ZDHHC21: variants seen among roughly 807,000 people sequenced by gnomAD.
The protein encoded by ZDHHC21 is zDHHC palmitoyltransferase 21.
ZDHHC21 carries 15 observed loss-of-function variants against 34.6 expected under a neutral mutation model. The ratio of observed to expected loss-of-function variants is 0.43; its 90% CI spans 0.29 to 0.67. ZDHHC21 has a LOEUF of 0.67. ZDHHC21 is among the 30% of genes least tolerant of loss of function. The pLI is 0.14. For synonymous variants in ZDHHC21, 142 were observed against 101.8 expected (o/e 1.40, Z -2.38); for missense variants, 344 against 327.7 (o/e 1.05, Z -0.38).
intron 7 of ZDHHC21, among the ~76,000 whole-genome samples, chr9:14,649,593 T>C (rs772594779): frequency 4.6e-5 from 7 of 152,184 alleles, no homozygotes; most frequent in South Asian, 2.1e-4. Context: ...CTTTTCTCAG[T>C]CTTATTACAT....
chr9:14,680,315 C>T (rs1189127375), intron 2 of ZDHHC21, among the ~76,000 whole-genome samples, 153 bp from the exon 3 acceptor site: 2 of 152,012 alleles, frequency 1.3e-5, no homozygotes, highest in East Asian at 3.9e-4. Flanking sequence ...CTTTCATATC[C>T]CACCCATCCC....
intron 7 of ZDHHC21, among the ~76,000 whole-genome samples, chr9:14,644,393 A>T (rs143242737): frequency 6.6e-6 from 1 of 152,126 alleles, no homozygotes; most frequent in Non-Finnish European, 1.5e-5. Context: ...AATTTCTAGT[A>T]GTATATTTAA....
chr9:14,689,756 G>A (rs960232095), intron 2 of ZDHHC21, among the ~76,000 whole-genome samples: 1 of 152,038 alleles, frequency 6.6e-6, no homozygotes, highest in African/African-American at 2.4e-5. Context: ...AGATAACTGG[G>A]CCACTGTTTT....
chr9:14,651,922 C>T (rs1831303465), intron 7 of ZDHHC21, among the ~76,000 whole-genome samples: 1 of 151,904 alleles, frequency 6.6e-6, no homozygotes, highest in Non-Finnish European at 1.5e-5. Flanking sequence ...ACCCAATCTA[C>T]AGGTTTTAGA....
intron 7 of ZDHHC21, among the ~76,000 whole-genome samples, chr9:14,651,721 T>A (rs1414402524): frequency 6.6e-6 from 1 of 152,000 alleles, no homozygotes; most frequent in East Asian, 1.9e-4. Context: ...AAACCGTAAT[T>A]TTCTAGTTTT....
intron 8 of ZDHHC21, among the ~76,000 whole-genome samples, chr9:14,624,959 C>T (rs1302611272): frequency 2.0e-5 from 3 of 152,084 alleles, no homozygotes; most frequent in South Asian, 2.1e-4. Context: ...AAATTAAAAA[C>T]ACTACTCAGG....
rs538998222 is a variant in ZDHHC21, at chr9:14,659,185, A to T, written c.366-298T>A. Among the ~76,000 whole-genome samples, 46 of 152,242 alleles carry T rather than the reference A, an allele frequency of 3.0e-4. No individual in the cohort carries two copies. In the South Asian group the frequency reaches 9.5e-3, roughly 32 times the overall value. On this transcript the variant is annotated intron_variant, in intron 6 of 9. Coordinates refer to ENST00000380916, the MANE Select transcript of ZDHHC21 (RefSeq NM_178566.6). The stretch of plus-strand genomic sequence containing the variant: ...CTGTGTCACTGATATGGAAACAGGG[A>T]ACAAAGGAGCTAAGCCTCTGGCCAG...
intron 6 of ZDHHC21, among the ~76,000 whole-genome samples, chr9:14,660,817 GA>G (rs374549377): frequency 6.5e-4 from 97 of 149,558 alleles, no homozygotes; most frequent in African/African-American, 2.2e-3. Flanking sequence ...GCATTCGTTT[GA>G]AAAAAAAAGC....
intron 7 of ZDHHC21, among the ~76,000 whole-genome samples, chr9:14,646,748 C>A (rs558925310): frequency 5.9e-5 from 9 of 152,098 alleles, no homozygotes; most frequent in East Asian, 3.9e-4. Context: ...TTATCAGAGA[C>A]CTTTTCCTTG....
intron 8 of ZDHHC21, among the ~76,000 whole-genome samples, chr9:14,628,785 A>G (rs899224330): frequency 6.6e-6 from 1 of 152,214 alleles, no homozygotes; most frequent in Non-Finnish European, 1.5e-5. Flanking sequence ...TTTATAAAGT[A>G]AGCATCATCT....
chr9:14,635,687 T>C (rs1256302293), intron 8 of ZDHHC21, among the ~76,000 whole-genome samples: 1 of 152,188 alleles, frequency 6.6e-6, no homozygotes, highest in East Asian at 1.9e-4. Flanking sequence ...AAGAGAGTCC[T>C]ACACTTGGAA....
At chr9:14,633,190 G>A (rs1012008925) in intron 8 of ZDHHC21, among the ~76,000 whole-genome samples, 19 of 152,104 alleles carry the variant, frequency 1.2e-4, no homozygotes, top group South Asian at 2.1e-4. Context: ...ATAATCACAC[G>A]TAAAATATAT....
chr9:14,593,225 A>G, the ZDHHC21 span, among the ~76,000 whole-genome samples: 4 of 152,200 alleles, frequency 2.6e-5, no homozygotes, highest in African/African-American at 7.2e-5. Context: ...TAAACAGATT[A>G]ACAAAATTGA....
chr9:14,667,272 C>T (rs1436569042), intron 5 of ZDHHC21, among the ~76,000 whole-genome samples: 2 of 148,264 alleles, frequency 1.3e-5, no homozygotes, highest in African/African-American at 4.9e-5. Flanking sequence ...AATTCCTCGA[C>T]ACATACACTC....
chr9:14,677,609 C>CA (rs1307721804), intron 3 of ZDHHC21: 1 of 152,030 alleles, frequency 6.6e-6, no homozygotes, highest in African/African-American at 2.4e-5. Context: ...GCTCTTAACT[C>CA]AAAACTCTGA....
intron 6 of ZDHHC21, among the ~76,000 whole-genome samples, chr9:14,661,459 T>G (rs957331631): frequency 1.3e-5 from 2 of 152,228 alleles, no homozygotes; most frequent in Admixed American, 6.5e-5. Context: ...CAGATACATT[T>G]GTCAAATTCT....
rs1385757543 is a variant in ZDHHC21 at position 14,613,961 on chromosome 9, T to A, written c.*5005A>T. On this transcript the variant is annotated 3_prime_UTR_variant, in exon 10 of 10. Transcript: ENST00000380916. The stretch of plus-strand genomic sequence containing the variant: ...AAAACTAAAATATTTATAAAAGGCA[T>A]CTGACCAACTGAAGAGAAACCGCAA... The A allele has an allele frequency of 1.3e-5, 2 of 151,798 alleles. No individual in the cohort carries two copies. Among genetic ancestry groups the A allele is most frequent in the African/African-American group, 4.8e-5 (2 of 41,420 alleles). 9.4% of individuals were successfully genotyped at this position (151,798 alleles called of 1,614,324 possible).
At chr9:14,681,596 G>C (rs921448926) in intron 2 of ZDHHC21, among the ~76,000 whole-genome samples, 3 of 152,108 alleles carry the variant, frequency 2.0e-5, no homozygotes, top group African/African-American at 7.2e-5. Context: ...CACAATCTGA[G>C]GGCTGAATTT....
intron 2 of ZDHHC21, among the ~76,000 whole-genome samples, chr9:14,688,815 TCACCCCACTG>T (rs1020464545): frequency 1.3e-5 from 2 of 152,034 alleles, no homozygotes; most frequent in African/African-American, 4.8e-5. Context: ...TGAGCCGAGA[TCACCCCACTG>T]CACTCCAGCC....
Sources: gnomAD v4.1 joint callset for allele counts (sites outside exome capture counted in the v4.1 genomes callset) on GRCh38, gnomAD v4.1.1 for gene constraint, MANE v1.5 for transcripts, NCBI Gene and HGNC (gene_info 2026-07-23, HGNC 2026-07-21) for gene names.